The following TEX9 variants were observed in gnomAD, a reference collection of about 807,000 sequenced individuals.
TEX9 encodes the protein testis expressed 9, also known as testis-expressed protein 9.
A neutral mutation model predicts 59.6 loss-of-function variants in TEX9; 74 were observed. The observed-to-expected ratio is 1.24, with a 90% CI of 1.03 to 1.51. The LOEUF is 1.51. TEX9 is among the 40% of genes most tolerant of loss of function. TEX9 has a pLI of 0.00. For missense variants in TEX9, 522 were observed against 447.8 expected, an observed-to-expected ratio of 1.17 and a Z score of -1.49; for synonymous variants, 186 against 152.2, an observed-to-expected ratio of 1.22 and a Z score of -1.64.
intron 7 of TEX9, among the ~76,000 whole-genome samples, chr15:56,391,801 T>G (rs756264639): frequency 2.0e-5 from 3 of 152,168 alleles, no homozygotes; most frequent in Non-Finnish European, 4.4e-5. Context: ...TCTGAATTTT[T>G]TCATTTACTG....
chr15:56,404,123 A>C (rs1264948521), intron 9 of TEX9, among the ~76,000 whole-genome samples: 1 of 152,262 alleles, frequency 6.6e-6, no homozygotes, highest in East Asian at 1.9e-4. Context: ...CAAAAGCCAA[A>C]ATAGACAAAT....
chr15:56,440,239 A>C (rs967955762), intron 12 of TEX9, among the ~76,000 whole-genome samples: 32 of 152,200 alleles, frequency 2.1e-4, no homozygotes, highest in African/African-American at 7.0e-4. Flanking sequence ...TGGATATTTA[A>C]AAGTGGCTAA....
chr15:56,329,484 G>A (rs893202529), intron 1 of TEX9, among the ~76,000 whole-genome samples: 7 of 152,230 alleles, frequency 4.6e-5, no homozygotes, highest in African/African-American at 1.2e-4. Context: ...ACAGAGATAC[G>A]TGACCTTTCA....
chr15:56,304,290 C>G (rs1469125840), intron 1 of TEX9, among the ~76,000 whole-genome samples: 1 of 152,188 alleles, frequency 6.6e-6, no homozygotes, highest in African/African-American at 2.4e-5. Flanking sequence ...TGCTGAATAA[C>G]AGCGGTCAAA....
the TEX9 span, among the ~76,000 whole-genome samples, chr15:56,454,099 C>CTA: frequency 1 from 152,071 of 152,268 alleles, 75,937 homozygotes; most frequent in Middle Eastern, 1. Context: ...GAGGCATACT[C>CTA]TGTGAAAGAG....
chr15:56,341,585 GAGT>G (rs1826269957), intron 1 of TEX9, among the ~76,000 whole-genome samples: 2 of 152,042 alleles, frequency 1.3e-5, no homozygotes, highest in African/African-American at 4.8e-5. Flanking sequence ...GGAATTGAGG[GAGT>G]GTACTTCAGG....
intron 1 of TEX9, chr15:56,323,228 A>T: frequency 4.6e-6 from 1 of 217,010 alleles, no homozygotes; most frequent in Non-Finnish European, 9.8e-6. Context: ...TCAACTTCTC[A>T]AAGTTCTCTA....
intron 7 of TEX9, chr15:56,393,690 T>C (rs2048320031): frequency 6.6e-6 from 1 of 152,402 alleles, no homozygotes; most frequent in African/African-American, 2.4e-5. Flanking sequence ...GGGAGAAAGC[T>C]TAGACAGTAA....
At chr15:56,269,711 G>A (rs1429567069) in intron 1 of TEX9, among the ~76,000 whole-genome samples, 1 of 149,706 alleles carries the variant, frequency 6.7e-6, no homozygotes, top group African/African-American at 2.5e-5. Context: ...GGAGTACAGA[G>A]GTGTGATGTC....
chr15:56,268,432 G>T (rs1036497681), intron 1 of TEX9, among the ~76,000 whole-genome samples: 1 of 152,126 alleles, frequency 6.6e-6, no homozygotes, highest in Non-Finnish European at 1.5e-5. Flanking sequence ...TCCAGTTTTT[G>T]CCCATTCAGT....
At chr15:56,269,397 C>G (rs534213282) in intron 1 of TEX9, among the ~76,000 whole-genome samples, 33 of 152,088 alleles carry the variant, frequency 2.2e-4, no homozygotes, top group Non-Finnish European at 4.9e-4. Context: ...TTCTCTAGTT[C>G]TTTTAATTGT....
chr15:56,450,823 G>C (rs918309871), downstream of TEX9, among the ~76,000 whole-genome samples: 4 of 152,062 alleles, frequency 2.6e-5, no homozygotes, highest in Non-Finnish European at 4.4e-5. Flanking sequence ...TTTTCCCATA[G>C]CACCTGCATC....
chr15:56,302,920 T>C (rs1261577185), intron 1 of TEX9, among the ~76,000 whole-genome samples: 1 of 152,174 alleles, frequency 6.6e-6, no homozygotes, highest in African/African-American at 2.4e-5. Flanking sequence ...TATACTTACA[T>C]CAGACAAAAT....
intron 1 of TEX9, among the ~76,000 whole-genome samples, chr15:56,306,790 T>G (rs2045495163): frequency 6.6e-6 from 1 of 152,224 alleles, no homozygotes; most frequent in African/African-American, 2.4e-5. Flanking sequence ...ATGCTTGAGG[T>G]GATGGATACC....
Position 56,370,620 on chromosome 15 carries a change from T to C in TEX9, c.120-2821T>C, listed in dbSNP as rs1168847625. ...AGAAATGTTAGAATGTCAGAAATGTTAATGAGCCATCTGCTGTCAGCTTTT... is the reference window on the plus strand; with the variant it reads ...AGAAATGTTAGAATGTCAGAAATGTCAATGAGCCATCTGCTGTCAGCTTTT... On this transcript the variant is annotated intron_variant, in intron 2 of 12. Coordinates refer to ENST00000352903, the Ensembl canonical transcript of TEX9. Among the ~76,000 whole-genome samples the C allele has an allele frequency of 1.3e-5, 2 of 152,230 alleles. 1 individual carries two copies. The highest frequency in any genetic ancestry group is 2.9e-5 in the Non-Finnish European group (2 of 68,042).
At chr15:56,399,192 T>A (rs1364747784) in intron 9 of TEX9, among the ~76,000 whole-genome samples, 2 of 152,126 alleles carry the variant, frequency 1.3e-5, no homozygotes, top group Non-Finnish European at 2.9e-5. Flanking sequence ...GTTGGGGGAT[T>A]TCCCTTTGCT....
chr15:56,424,222 C>G (rs1304294357), intron 10 of TEX9, among the ~76,000 whole-genome samples: 2 of 152,044 alleles, frequency 1.3e-5, no homozygotes, highest in African/African-American at 4.8e-5. Context: ...TTGTTTGGCC[C>G]ATATGTTCTT....
At chr15:56,387,366 G>A (rs2048008916) in intron 4 of TEX9, among the ~76,000 whole-genome samples, 1 of 151,814 alleles carries the variant, frequency 6.6e-6, no homozygotes. Context: ...CTTAAAATTT[G>A]TATAACATTT....
At chr15:56,428,441 A>T in exon 12 of TEX9, 2 of 1,608,788 alleles carry the variant, frequency 1.2e-6, no homozygotes, top group Non-Finnish European at 1.7e-6. Context: ...GGGGAAATTC[A>T]TAAGTGATCT....
Sources: gnomAD v4.1 joint callset for allele counts (sites outside exome capture counted in the v4.1 genomes callset) on GRCh38, gnomAD v4.1.1 for gene constraint, MANE v1.5 for transcripts, NCBI Gene and HGNC (gene_info 2026-07-23, HGNC 2026-07-21) for gene names.